CATSPERG: variants seen among roughly 807,000 people sequenced by gnomAD.
The protein encoded by CATSPERG is cation channel sperm-associated auxiliary subunit gamma.
CATSPERG carries 115 observed loss-of-function variants against 145.0 expected under a neutral mutation model. The observed-to-expected ratio is 0.79, with a 90% confidence interval of 0.68 to 0.93. CATSPERG has a LOEUF of 0.93. Among genes scored for constraint, CATSPERG ranks in the 40% least tolerant of loss-of-function variants. The probability of loss-of-function intolerance (pLI) is 0.00; values close to 1 mark genes in which losing one functional copy is unlikely to be tolerated. For synonymous variants in CATSPERG, 588 were observed against 589.0 expected (o/e 1.00, Z 0.02); for missense variants, 1,296 against 1,490.1 (o/e 0.87, Z 2.14).
In CATSPERG at chr19:38,360,520, T is replaced by A; in HGVS notation, c.1640T>A (p.Val547Asp). Residue 547 changes from valine (V) to aspartate (D), a missense_variant, in exon 15 of 29, where the codon GTC becomes GAC. Transcript: ENST00000409235. ...IWYLLEGSYR[V>D]YQLFPSKGWQ... ...TACCTCCTGGAGGGCAGCTACCGGG[T>A]CTACCAGCTGTTCCCTTCCAAGGGC... The A allele has an allele frequency of 6.2e-7, 1 of 1,614,120 alleles. No individual in the cohort carries two copies. Among genetic ancestry groups the A allele is most frequent in the Non-Finnish European group, 8.5e-7 (1 of 1,180,026 alleles).
At chr19:38,359,937 G>A in intron 14 of CATSPERG, 1 of 1,038,454 alleles carries the variant, frequency 9.6e-7, no homozygotes, top group Non-Finnish European at 1.2e-6. Flanking sequence ...GAAGCAGGGG[G>A]ACCTGGCCCC....
chr19:38,338,423 C>T (rs1193017906), intron 3 of CATSPERG, among the ~76,000 whole-genome samples: 1 of 152,214 alleles, frequency 6.6e-6, no homozygotes, highest in Non-Finnish European at 1.5e-5. Flanking sequence ...GCTGGGATTA[C>T]AGGCGTGAGC....
intron 3 of CATSPERG, among the ~76,000 whole-genome samples, chr19:38,338,989 T>C (rs899059947): frequency 6.6e-6 from 1 of 151,778 alleles, no homozygotes; most frequent in African/African-American, 2.4e-5. Context: ...AGTCAAAGGA[T>C]TGAGAAAAAG....
At chr19:38,369,577 G>A (rs1970511929) in intron 26 of CATSPERG, 1 of 295,052 alleles carries the variant, frequency 3.4e-6, no homozygotes, top group African/African-American at 2.2e-5. Context: ...GCATTTATTG[G>A]ATAATGAATA....
chr19:38,366,469 G>C (rs1970450794), intron 22 of CATSPERG: 1 of 152,622 alleles, frequency 6.6e-6, no homozygotes, highest in Non-Finnish European at 1.5e-5. Context: ...AGCAGTGATG[G>C]GGCAGAGTAA....
In CATSPERG at chr19:38,337,445, G is replaced by A. The variant is rs779540088; in HGVS notation, c.211G>A (p.Val71Met). The change falls in exon 2 of 29, where the codon GTG becomes ATG. Residue 71 changes from valine to methionine, a missense_variant. Transcript: ENST00000409235. ...VSDSFFEQEPVDTVSSLFHML... is the reference protein window; with the variant it reads ...VSDSFFEQEPMDTVSSLFHML... ...CGACAGCTTCTTTGAGCAAGAGCCC[G>A]TGGACACAGTGAGCAGCTTGTTTCA... The A allele has an allele frequency of 1.7e-5, 26 of 1,552,034 alleles. No homozygotes were observed. In the South Asian group the frequency reaches 3.0e-4, roughly 18 times the overall value.
intron 6 of CATSPERG, among the ~76,000 whole-genome samples, chr19:38,345,047 C>T (rs931388811): frequency 4.0e-5 from 6 of 149,892 alleles, no homozygotes; most frequent in Admixed American, 6.7e-5. Context: ...GCTGGGACCA[C>T]GGGCATGTAC....
intron 23 of CATSPERG, 84 bp from the exon 24 acceptor site, chr19:38,367,425 A>T: frequency 6.4e-7 from 1 of 1,555,912 alleles, no homozygotes; most frequent in East Asian, 2.2e-5. Context: ...TTCCTGCGGC[A>T]TCTCACTTTC....
intron 8 of CATSPERG, among the ~76,000 whole-genome samples, chr19:38,353,327 C>CA (rs1186127185): frequency 6.6e-6 from 1 of 150,904 alleles, no homozygotes; most frequent in Non-Finnish European, 1.5e-5. Flanking sequence ...GAGCGAGACT[C>CA]AGTTTAAAAA....
chr19:38,358,584 T>G, intron 13 of CATSPERG, 23 bp downstream of exon 13: 1 of 1,613,906 alleles, frequency 6.2e-7, no homozygotes, highest in African/African-American at 1.3e-5. Context: ...CACCCCTGGG[T>G]GGGCCAGGCA....
intron 10 of CATSPERG, 37 bp from the exon 11 acceptor site, chr19:38,356,705 C>G: frequency 6.2e-7 from 1 of 1,611,756 alleles, no homozygotes; most frequent in Non-Finnish European, 8.5e-7. Flanking sequence ...GGCTATTGAG[C>G]CCTGGGGCGG....
intron 8 of CATSPERG, 60 bp from the exon 9 acceptor site, chr19:38,354,650 A>G (rs2145089009): frequency 6.3e-7 from 1 of 1,574,920 alleles, no homozygotes; most frequent in Non-Finnish European, 8.7e-7. Flanking sequence ...AAATGTGGGC[A>G]GGGGGCAGAG....
chr19:38,339,272 GTCTAGACACATTC>G (rs1969897325), intron 3 of CATSPERG, among the ~76,000 whole-genome samples: 1 of 145,448 alleles, frequency 6.9e-6, no homozygotes, highest in South Asian at 2.2e-4. Context: ...GAGCAAGCAA[GTCTAGACACATTC>G]CAGAGCCATG....
intron 14 of CATSPERG, 62 bp from the exon 15 acceptor site, chr19:38,360,427 T>G (rs1023751007): frequency 1.9e-6 from 3 of 1,598,312 alleles, no homozygotes; most frequent in Non-Finnish European, 2.6e-6. Flanking sequence ...GGGCAGAGGG[T>G]GAGGTGGGAT....
intron 20 of CATSPERG, 39 bp downstream of exon 20, chr19:38,362,871 GTTTTTTT>G (rs553363428): frequency 3.0e-4 from 135 of 453,520 alleles, no homozygotes; most frequent in Middle Eastern, 6.3e-4. Flanking sequence ...GGGAGGTTTT[GTTTTTTT>G]TTTTTTTTTT....
At chr19:38,355,615 C>T (rs1260228359) in intron 9 of CATSPERG, among the ~76,000 whole-genome samples, 4 of 150,220 alleles carry the variant, frequency 2.7e-5, no homozygotes, top group African/African-American at 7.4e-5. Context: ...GAGAATTGCT[C>T]GAACCTGGGA....
Position 38,360,759 on chromosome 19 carries a change from G to GC in CATSPERG, c.1798dup (p.Gln600ProfsTer23). 1 of 1,614,056 alleles carries GC rather than the reference G, an allele frequency of 6.2e-7. No individual in the cohort carries two copies. The highest frequency in any genetic ancestry group is 8.5e-7 in the Non-Finnish European group (1 of 1,179,940). ...GTGTACCTTATGAACAACCAGAAGG[G>GC]CCAGCTGGTCAAGAGGCTCGTGCCC... On this transcript the variant is annotated frameshift_variant, in exon 16 of 29. Transcript: ENST00000409235. LOFTEE classifies it high-confidence loss of function.
In CATSPERG at chr19:38,370,603, C is replaced by T. The variant is rs895944321; in HGVS notation, c.3291C>T (p.Gly1097=). The T allele has an allele frequency of 6.2e-7, 1 of 1,614,048 alleles. No individual in the cohort carries two copies. The highest frequency in any genetic ancestry group is 8.5e-7 in the Non-Finnish European group (1 of 1,180,046). ...FCLLWPLVVK[G]CTMIRWKINN... is the part of the protein sequence containing the mutation. ...TCCTGTGGCCCCTCGTGGTGAAGGG[C>T]TGCACGATGATCCGGTGGAAGATAA... Residue 1097 remains glycine (G), a synonymous_variant, in exon 29 of 29, where the codon GGC becomes GGT. Transcript: ENST00000409235.
At chr19:38,368,372 C>T (rs887782996) in intron 26 of CATSPERG, among the ~76,000 whole-genome samples, 2 of 152,204 alleles carry the variant, frequency 1.3e-5, no homozygotes, top group African/African-American at 4.8e-5. Flanking sequence ...TTTTCTGTTT[C>T]AAGATGGGAC....
Sources: gnomAD v4.1 joint callset for allele counts (sites outside exome capture counted in the v4.1 genomes callset) on GRCh38, gnomAD v4.1.1 for gene constraint, MANE v1.5 for transcripts, NCBI Gene and HGNC (gene_info 2026-07-23, HGNC 2026-07-21) for gene names.